Variants in CEP83 observed in about 807,000 individuals in gnomAD.
CEP83 encodes centrosomal protein 83.
A neutral mutation model predicts 101.9 loss-of-function variants in CEP83; 70 were observed. That is an observed-to-expected ratio of 0.69 (90% CI 0.57 to 0.84). The LOEUF is 0.84. Among genes scored for constraint, CEP83 ranks in the 40% least tolerant of loss-of-function variants. CEP83 has a pLI of 0.00. For missense variants in CEP83, 715 were observed against 787.2 expected (o/e 0.91, Z 1.10); for synonymous variants, 264 against 267.9 (o/e 0.99, Z 0.14).
the CEP83 span, chr12:94,297,242 C>T: frequency 6.2e-7 from 1 of 1,613,836 alleles, no homozygotes; most frequent in South Asian, 1.1e-5. Flanking sequence ...CTTTCTTGTG[C>T]TCACCACTGA....
intron 6 of CEP83, among the ~76,000 whole-genome samples, chr12:94,380,106 G>C (rs1164047461): frequency 7.3e-6 from 1 of 136,766 alleles, no homozygotes; most frequent in East Asian, 2.1e-4. Context: ...AACAAAAACA[G>C]AAAAAACTAA....
At chr12:94,379,152 T>G in intron 6 of CEP83, 110 bp from the exon 7 acceptor site, 1 of 964,976 alleles carries the variant, frequency 1.0e-6, no homozygotes, top group Non-Finnish European at 1.5e-6. Context: ...AAAGCTCAGG[T>G]GCTGAAACAA....
chr12:94,298,961 A>G, the CEP83 span, among the ~76,000 whole-genome samples: 1 of 152,228 alleles, frequency 6.6e-6, no homozygotes, highest in African/African-American at 2.4e-5. Flanking sequence ...TACTATTTTT[A>G]AACAATAAAG....
At position 94,424,309 on chromosome 12, in the gene CEP83, G is replaced by A. The variant is rs146530339; in HGVS notation, c.-102+10966C>T. 6.6e-4 allele frequency: 1,063 copies of A among 1,614,100 alleles called. 4 individuals are homozygous for A. In the East Asian group the frequency reaches 9.0e-3, roughly 14 times the overall value. On this transcript the variant is annotated intron_variant, in intron 2 of 16. Transcript: ENST00000397809. ...CTTGGTTCTGTCGTTTCTTTGGCCC[G>A]CCATCAGCAAATTTGCAAAGCAAGG...
At chr12:94,420,065 A>G (rs1026962110) in intron 2 of CEP83, among the ~76,000 whole-genome samples, 2 of 152,108 alleles carry the variant, frequency 1.3e-5, no homozygotes, top group Admixed American at 6.5e-5. Context: ...AATTTTTTCT[A>G]TTGAATTGTC....
chr12:94,350,060 G>A (rs1360496534), intron 11 of CEP83, among the ~76,000 whole-genome samples: 3 of 152,158 alleles, frequency 2.0e-5, no homozygotes, highest in East Asian at 3.8e-4. Flanking sequence ...TTGTTGAGAT[G>A]TCAATACTAC....
chr12:94,304,842 T>TA (rs1968838724), downstream of CEP83, among the ~76,000 whole-genome samples: 1 of 152,198 alleles, frequency 6.6e-6, no homozygotes, highest in Non-Finnish European at 1.5e-5. Flanking sequence ...CTGCTGCATT[T>TA]AAGGAGAAAT....
At chr12:94,455,322 C>A (rs553707906) in intron 1 of CEP83, among the ~76,000 whole-genome samples, 1 of 152,324 alleles carries the variant, frequency 6.6e-6, no homozygotes, top group Admixed American at 6.5e-5. Flanking sequence ...ATAGGCAATG[C>A]AACTTCATCA....
chr12:94,421,569 T>A (rs1024286686), intron 2 of CEP83, among the ~76,000 whole-genome samples: 8 of 152,342 alleles, frequency 5.3e-5, no homozygotes, highest in African/African-American at 1.7e-4. Context: ...ATTCATGTGC[T>A]TGTTTATAGT....
At chr12:94,376,544 T>G (rs1420441519) in intron 7 of CEP83, among the ~76,000 whole-genome samples, 1 of 152,030 alleles carries the variant, frequency 6.6e-6, no homozygotes, top group East Asian at 1.9e-4. Context: ...CTTGATCTCA[T>G]GACACAATTA....
the CEP83 span, among the ~76,000 whole-genome samples, chr12:94,299,484 T>C: frequency 6.6e-6 from 1 of 152,172 alleles, no homozygotes; most frequent in Non-Finnish European, 1.5e-5. Flanking sequence ...CTGAAGTTCC[T>C]CTAGGTCTAA....
rs571707667 is a variant in CEP83, at chr12:94,381,608, T to A, written c.550-2566A>T. On this transcript the variant is annotated intron_variant, in intron 6 of 16. Coordinates refer to ENST00000397809, the MANE Select transcript of CEP83 (RefSeq NM_016122.3). Reference sequence around the variant, plus strand: ...TTACTCCATCCTTCTTTGTTGTTATTACCTTTACGATATAACATAGGGATA... The same window carrying A: ...TTACTCCATCCTTCTTTGTTGTTATAACCTTTACGATATAACATAGGGATA... Among the ~76,000 whole-genome samples, 76 of 152,258 alleles carry A rather than the reference T, an allele frequency of 5.0e-4. 1 individual carries two copies. Among genetic ancestry groups the A allele is most frequent in the African/African-American group, 1.8e-3 (75 of 41,566 alleles).
At chr12:94,381,940 T>C (rs577643509) in intron 6 of CEP83, among the ~76,000 whole-genome samples, 62 of 152,226 alleles carry the variant, frequency 4.1e-4, no homozygotes, top group Non-Finnish European at 6.5e-4. Flanking sequence ...GAAGACATTA[T>C]GTAGAATTGG....
intron 6 of CEP83, among the ~76,000 whole-genome samples, chr12:94,398,386 T>C (rs916295004): frequency 2.6e-5 from 4 of 152,298 alleles, no homozygotes; most frequent in South Asian, 2.1e-4. Flanking sequence ...AGGGACCGGC[T>C]GGAGTCATGG....
intron 4 of CEP83, among the ~76,000 whole-genome samples, chr12:94,405,823 G>C (rs990818179): frequency 2.6e-5 from 4 of 152,132 alleles, no homozygotes; most frequent in African/African-American, 9.7e-5. Flanking sequence ...GGACAGTGGG[G>C]TGGTTAGAGT....
the CEP83 span, among the ~76,000 whole-genome samples, chr12:94,283,605 A>C: frequency 6.6e-6 from 1 of 152,278 alleles, no homozygotes; most frequent in East Asian, 1.9e-4. Flanking sequence ...CAGGGATGAG[A>C]GTTTTTAAGG....
At chr12:94,338,563 AG>A (rs149761800) in intron 11 of CEP83, among the ~76,000 whole-genome samples, 2,761 of 152,270 alleles carry the variant, frequency 0.018, 34 homozygotes, top group Middle Eastern at 0.034. Context: ...AGTTTTCAGC[AG>A]GGGGAGAGGC....
At chr12:94,282,086 A>G in the CEP83 span, 2 of 490,026 alleles carry the variant, frequency 4.1e-6, no homozygotes, top group Non-Finnish European at 7.4e-6. Context: ...CAGGCTTATC[A>G]GGGAAGAAGT....
chr12:94,366,386 T>G (rs1796407343), intron 11 of CEP83, among the ~76,000 whole-genome samples: 1 of 152,162 alleles, frequency 6.6e-6, no homozygotes, highest in Non-Finnish European at 1.5e-5. Flanking sequence ...AAAACAACTA[T>G]ACACAAATAT....
Sources: allele counts gnomAD v4.1 joint callset (sites outside exome capture counted in the v4.1 genomes callset), GRCh38; gene constraint gnomAD v4.1.1; transcripts MANE v1.5; gene names NCBI Gene and HGNC (gene_info 2026-07-23, HGNC 2026-07-21).